NAALADL2: variants seen among roughly 807,000 people sequenced by gnomAD.
The protein encoded by NAALADL2 is N-acetylated alpha-linked acidic dipeptidase like 2, also known as inactive N-acetylated-alpha-linked acidic dipeptidase-like protein 2.
NAALADL2 carries 76 observed loss-of-function variants against 87.2 expected under a neutral mutation model. That is an observed-to-expected ratio of 0.87 (90% CI 0.72 to 1.05). The LOEUF is 1.05. NAALADL2 is among the 50% of genes least tolerant of loss of function. The pLI, the probability that NAALADL2 is intolerant of heterozygous loss-of-function variation, is 0.00. For missense variants in NAALADL2, 1,089 were observed against 945.8 expected, an observed-to-expected ratio of 1.15 and a Z score of -1.99; for synonymous variants, 354 against 331.0, an observed-to-expected ratio of 1.07 and a Z score of -0.75.
chr3:174,681,802 T>C (rs1345411106), intron 2 of NAALADL2, among the ~76,000 whole-genome samples: 1 of 152,174 alleles, frequency 6.6e-6, no homozygotes, highest in Non-Finnish European at 1.5e-5. Context: ...AGATACCAGC[T>C]TGGCCACGGT....
intron 2 of NAALADL2, among the ~76,000 whole-genome samples, chr3:175,132,069 G>A (rs1356942159): frequency 1.5e-5 from 2 of 137,162 alleles, no homozygotes; most frequent in African/African-American, 2.8e-5. Flanking sequence ...CAGTAGGGGC[G>A]GCTGGCCAGG....
intron 2 of NAALADL2, among the ~76,000 whole-genome samples, chr3:174,671,766 C>G (rs1443310154): frequency 1.3e-5 from 2 of 152,024 alleles, no homozygotes; most frequent in Non-Finnish European, 2.9e-5. Context: ...GGTTTGAAGC[C>G]CAGCATTTCT....
intron 2 of NAALADL2, among the ~76,000 whole-genome samples, chr3:174,706,752 G>C (rs1206372994): frequency 1.3e-5 from 2 of 152,138 alleles, no homozygotes; most frequent in African/African-American, 2.4e-5. Flanking sequence ...TTTTCTTCTA[G>C]GGTTTTTATG....
chr3:174,746,711 A>G (rs1279846101), intron 3 of NAALADL2, among the ~76,000 whole-genome samples: 2 of 152,248 alleles, frequency 1.3e-5, no homozygotes, highest in African/African-American at 2.4e-5. Context: ...CCAAAACAGC[A>G]TGGTACTGGT....
intron 3 of NAALADL2, among the ~76,000 whole-genome samples, chr3:174,849,956 G>C (rs1725067044): frequency 6.6e-6 from 1 of 151,956 alleles, no homozygotes; most frequent in African/African-American, 2.4e-5. Context: ...AGTGTTATAG[G>C]ATTTTATATT....
chr3:174,944,205 C>T (rs1039852771), intron 1 of NAALADL2, among the ~76,000 whole-genome samples: 32 of 152,270 alleles, frequency 2.1e-4, no homozygotes, highest in African/African-American at 7.7e-4. Flanking sequence ...AACATGTTGT[C>T]AGCCTGAACC....
chr3:175,268,389 G>T (rs1273401839), intron 4 of NAALADL2, among the ~76,000 whole-genome samples: 5 of 152,164 alleles, frequency 3.3e-5, no homozygotes, highest in African/African-American at 1.2e-4. Flanking sequence ...GAGCTTGCAG[G>T]ACTGGAAGTT....
At chr3:175,419,277 C>G (rs947479188) in intron 5 of NAALADL2, among the ~76,000 whole-genome samples, 1 of 151,674 alleles carries the variant, frequency 6.6e-6, no homozygotes, top group Non-Finnish European at 1.5e-5. Flanking sequence ...TTAGGTTTAA[C>G]CTGGATACAA....
intron 3 of NAALADL2, among the ~76,000 whole-genome samples, chr3:174,788,647 T>C (rs1490811206): frequency 6.6e-6 from 1 of 152,078 alleles, no homozygotes; most frequent in African/African-American, 2.4e-5. Flanking sequence ...TACAGTAACA[T>C]TCTGAGATAC....
intron 1 of NAALADL2, among the ~76,000 whole-genome samples, chr3:174,918,693 G>C (rs948684053): frequency 2.6e-5 from 4 of 152,140 alleles, no homozygotes; most frequent in Non-Finnish European, 5.9e-5. Flanking sequence ...AAGCACAAAA[G>C]TCGTTTCAGA....
At chr3:175,237,952 A>C (rs1297370866) in intron 3 of NAALADL2, among the ~76,000 whole-genome samples, 1 of 152,142 alleles carries the variant, frequency 6.6e-6, no homozygotes, top group Admixed American at 6.5e-5. Flanking sequence ...AAAATGAAAA[A>C]CTTAAGAGAA....
intron 5 of NAALADL2, among the ~76,000 whole-genome samples, chr3:175,344,993 C>A (rs568293946): frequency 1.7e-4 from 26 of 151,854 alleles, no homozygotes; most frequent in African/African-American, 6.0e-4. Flanking sequence ...TATTAGTACC[C>A]CAAATCATAC....
At chr3:174,544,567 C>CTTTTTTTTTTTTTT (rs10575227) in intron 1 of NAALADL2, among the ~76,000 whole-genome samples, 22 of 115,132 alleles carry the variant, frequency 1.9e-4, no homozygotes, top group Non-Finnish European at 3.3e-4. Flanking sequence ...TTTTTGTTTT[C>CTTTTTTTTTTTTTT]TTTTTTTTTT....
chr3:175,558,194 CAAAAAAAA>C (rs71164638), intron 9 of NAALADL2, among the ~76,000 whole-genome samples: 16,573 of 83,632 alleles, frequency 0.2, 1,293 homozygotes, highest in Middle Eastern at 0.27. Flanking sequence ...GACCCCGTCT[CAAAAAAAA>C]AAAAAAAAAA....
chr3:175,697,393 G>GCA (rs1249196090), intron 11 of NAALADL2, among the ~76,000 whole-genome samples: 1,168 of 108,840 alleles, frequency 0.011, 16 homozygotes, highest in African/African-American at 0.047. Flanking sequence ...TGCTAAAGCT[G>GCA]CACACAGACA....
At chr3:175,129,496 C>T (rs909403141) in intron 2 of NAALADL2, among the ~76,000 whole-genome samples, 1 of 152,176 alleles carries the variant, frequency 6.6e-6, no homozygotes, top group Non-Finnish European at 1.5e-5. Context: ...CAGTCCTTGG[C>T]AATGACCATT....
At chr3:174,748,979 G>C (rs747405198) in intron 3 of NAALADL2, among the ~76,000 whole-genome samples, 7 of 151,960 alleles carry the variant, frequency 4.6e-5, no homozygotes, top group African/African-American at 7.3e-5. Context: ...CTACTTCATT[G>C]GCTATTTTCA....
rs1040163371 is a variant in NAALADL2, at chr3:174,595,566, A to G, written c.-115+44929A>G. Among the ~76,000 whole-genome samples the G allele has an allele frequency of 2.0e-5, 3 of 152,084 alleles. No individual in the cohort carries two copies. In the South Asian group the frequency reaches 6.2e-4, roughly 32 times the overall value. On this transcript the variant is annotated intron_variant, in intron 2 of 3. Transcript: ENST00000434257. Reference sequence around the variant, plus strand: ...GTTGAACTCCCACCACTTCCTATCAATCCTTTTCTTCAGCTCATCTTTCTG... The same window carrying G: ...GTTGAACTCCCACCACTTCCTATCAGTCCTTTTCTTCAGCTCATCTTTCTG...
chr3:175,294,863 T>C (rs1044027427), intron 4 of NAALADL2, among the ~76,000 whole-genome samples: 1 of 152,120 alleles, frequency 6.6e-6, no homozygotes, highest in Non-Finnish European at 1.5e-5. Context: ...CAGTAGAGGA[T>C]CTGCCATGCA....
Sources: gnomAD v4.1 joint callset for allele counts (sites outside exome capture counted in the v4.1 genomes callset) on GRCh38, gnomAD v4.1.1 for gene constraint, MANE v1.5 for transcripts, NCBI Gene and HGNC (gene_info 2026-07-23, HGNC 2026-07-21) for gene names.